CFTR: variants seen among roughly 807,000 people sequenced by gnomAD.
The protein encoded by CFTR is CF transmembrane conductance regulator.
Under a neutral mutation model 171.6 loss-of-function variants are expected in CFTR, and 181 were observed. The observed-to-expected ratio is 1.05, with a 90% CI of 0.93 to 1.19. The LOEUF is 1.19. CFTR is among the 50% of genes most tolerant of loss of function. The pLI is 0.00. For synonymous variants in CFTR, 583 were observed against 608.0 expected, an observed-to-expected ratio of 0.96 and a Z score of 0.60; for missense variants, 1,968 against 1,734.7, an observed-to-expected ratio of 1.13 and a Z score of -2.39.
At position 117,559,485 on chromosome 7, in the gene CFTR, A is replaced by AT. The variant is rs1554384343; in HGVS notation, c.1415dup (p.Met472IlefsTer10). 6.2e-7 allele frequency: 1 copy of AT among 1,607,524 alleles called. No individual in the cohort carries two copies. Among genetic ancestry groups the AT allele is most frequent in the Non-Finnish European group, 8.5e-7 (1 of 1,174,328 alleles). ...CCAGACTTCACTTCTAATGGTGATTATGGGAGAACTGGAGCCTTCAGAGGG... is the reference window on the plus strand; with the variant it reads ...CCAGACTTCACTTCTAATGGTGATTATTGGGAGAACTGGAGCCTTCAGAGGG... On this transcript the variant is annotated frameshift_variant, in exon 11 of 27. Coordinates refer to ENST00000003084, the MANE Select transcript of CFTR (RefSeq NM_000492.4). LOFTEE classifies it high-confidence loss of function.
Position 117,603,769 on chromosome 7 carries a change from CA to C in CFTR, c.2896del (p.Thr966ArgfsTer2), listed in dbSNP as rs397508451. 1 of 1,613,876 alleles carries C rather than the reference CA, an allele frequency of 6.2e-7. No individual in the cohort carries two copies. The highest frequency in any genetic ancestry group is 8.5e-7 in the Non-Finnish European group (1 of 1,179,896). ...VLQAPMSTLN[T>X]LKAGGILNRF... ...TTCAAGCACCTATGTCAACCCTCAA[CA>C]CGTTGAAAGCAGGTACTTTACTAGG... On this transcript the variant is annotated frameshift_variant, in exon 17 of 27. Coordinates refer to ENST00000003084, the MANE Select transcript of CFTR (RefSeq NM_000492.4). LOFTEE classifies it high-confidence loss of function.
In CFTR at chr7:117,643,286, T is replaced by G. The variant is rs138007783; in HGVS notation, c.3873+693T>G. ...TTACTGTATTTTTGCTGGTATTTTC[T>G]CTAGTCTTTCCGGGTATATTCACAT... On this transcript the variant is annotated intron_variant, in intron 23 of 26. Coordinates refer to ENST00000003084, the MANE Select transcript of CFTR (RefSeq NM_000492.4). Among the ~76,000 whole-genome samples, 16 of 152,276 alleles carry G rather than the reference T, an allele frequency of 1.1e-4. No individual in the cohort carries two copies. In the East Asian group the frequency reaches 3.1e-3, roughly 29 times the overall value.
intron 21 of CFTR, among the ~76,000 whole-genome samples, chr7:117,622,807 C>A (rs975240669): frequency 1.3e-5 from 2 of 152,086 alleles, no homozygotes; most frequent in Non-Finnish European, 2.9e-5. Flanking sequence ...CCTCCTCTTC[C>A]CTCCTTGTCA....
rs377502207 is a variant in CFTR at position 117,603,781 on chromosome 7, A to C, written c.2907A>C (p.Ala969=). ...APMSTLNTLK[A]GGILNRFSKD... ...TGTCAACCCTCAACACGTTGAAAGC[A>C]GGTACTTTACTAGGTCTAAGAAATG... The change falls in exon 17 of 27, where the codon GCA becomes GCC. Residue 969 remains alanine, a splice_region_variant and synonymous_variant. Transcript: ENST00000003084. 2 of 1,613,720 alleles carry C rather than the reference A, an allele frequency of 1.2e-6. No homozygotes were observed. Among genetic ancestry groups the C allele is most frequent in the East Asian group, 4.5e-5 (2 of 44,872 alleles).
intron 11 of CFTR, among the ~76,000 whole-genome samples, chr7:117,576,386 G>A (rs1791770109): frequency 6.6e-6 from 1 of 152,102 alleles, no homozygotes; most frequent in South Asian, 2.1e-4. Context: ...ATTGTATTAG[G>A]TATTGTAAGT....
chr7:117,485,403 A>G (rs1584766545), intron 1 of CFTR, among the ~76,000 whole-genome samples: 2 of 152,334 alleles, frequency 1.3e-5, no homozygotes, highest in African/African-American at 4.8e-5. Flanking sequence ...TATGATAAAG[A>G]TCAAGTTGTT....
intron 25 of CFTR, among the ~76,000 whole-genome samples, chr7:117,665,173 A>G (rs1793352944): frequency 6.6e-6 from 1 of 152,244 alleles, no homozygotes; most frequent in African/African-American, 2.4e-5. Flanking sequence ...TACCATAAGC[A>G]TGTTTATAGC....
intron 1 of CFTR, among the ~76,000 whole-genome samples, chr7:117,493,368 G>T (rs1407671703): frequency 6.6e-6 from 1 of 151,986 alleles, no homozygotes; most frequent in Non-Finnish European, 1.5e-5. Context: ...TGAAAAAAAA[G>T]ATGTAAATAT....
chr7:117,575,741 T>C (rs1011889787), intron 11 of CFTR, among the ~76,000 whole-genome samples: 39 of 152,138 alleles, frequency 2.6e-4, no homozygotes, highest in Non-Finnish European at 3.8e-4. Context: ...CATTGAGGTC[T>C]CATAGCCTTC....
At chr7:117,595,505 TTAAATA>T (rs1792106314) in intron 15 of CFTR, among the ~76,000 whole-genome samples, 1 of 150,942 alleles carries the variant, frequency 6.6e-6, no homozygotes, top group African/African-American at 2.4e-5. Context: ...TAAAATATAT[TTAAATA>T]TAAAGATAAG....
At chr7:117,486,470 A>G (rs1417342872) in intron 1 of CFTR, among the ~76,000 whole-genome samples, 2 of 152,164 alleles carry the variant, frequency 1.3e-5, no homozygotes, top group African/African-American at 4.8e-5. Flanking sequence ...AGGCTGGTCA[A>G]GGAAGGCTTG....
rs1159305976 is a variant in CFTR at position 117,542,556 on chromosome 7, A to AAAAAAT, written c.1209+466_1209+471dup. On this transcript the variant is annotated intron_variant, in intron 9 of 26. Coordinates refer to ENST00000003084, the MANE Select transcript of CFTR (RefSeq NM_000492.4). ...GGCGAGACTCTGTCTGAAAAAGAAA[A>AAAAAAT]AAAAATAAAAATAAAAATAAAAAGA... is the stretch of plus-strand genomic sequence containing the variant. Among the ~76,000 whole-genome samples, 78 of 152,318 alleles carry AAAAAAT rather than the reference A, an allele frequency of 5.1e-4. 1 individual carries two copies. The highest frequency in any genetic ancestry group is 3.4e-3 in the Middle Eastern group (1 of 294).
At chr7:117,661,101 A>G (rs1177682077) in intron 24 of CFTR, among the ~76,000 whole-genome samples, 5 of 152,218 alleles carry the variant, frequency 3.3e-5, no homozygotes, top group Non-Finnish European at 7.3e-5. Flanking sequence ...CTTGCTTTCC[A>G]TTATCTCACC....
chr7:117,568,071 A>G (rs978638048), intron 11 of CFTR, among the ~76,000 whole-genome samples: 4 of 152,174 alleles, frequency 2.6e-5, no homozygotes, highest in Non-Finnish European at 5.9e-5. Flanking sequence ...GCATTGGGGA[A>G]CTATAGTCAC....
rs377514639 is a variant in CFTR, at chr7:117,536,577, G to T, written c.773G>T (p.Arg258Ile). Residue 258 changes from arginine (R) to isoleucine (I), a missense_variant, in exon 7 of 27, where the codon AGA (arginine) becomes ATA (isoleucine). Physicochemically the swap from Arg to Ile is moderately conservative, Grantham distance 97 (BLOSUM62 -3). Transcript: ENST00000003084. ...RDQRAGKISE[R>I]LVITSEMIEN... ...CAGAGAGCTGGGAAGATCAGTGAAAGACTTGTGATTACCTCAGAAATGATT... is the reference window on the plus strand; with the variant it reads ...CAGAGAGCTGGGAAGATCAGTGAAATACTTGTGATTACCTCAGAAATGATT... The T allele has an allele frequency of 1.8e-5, 29 of 1,602,570 alleles. No individual in the cohort carries two copies. Among genetic ancestry groups the T allele is most frequent in the Non-Finnish European group, 2.4e-5 (28 of 1,173,702 alleles).
At chr7:117,492,044 T>A (rs2283055) in intron 1 of CFTR, among the ~76,000 whole-genome samples, 35,011 of 151,816 alleles carry the variant, frequency 0.23, 4,338 homozygotes, top group East Asian at 0.42. Context: ...TCCAAGAAGG[T>A]CATAAGAAAA....
rs121909026 is a variant in CFTR, at chr7:117,652,905, C to T, written c.3937C>T (p.Gln1313Ter). 1.2e-6 allele frequency: 2 copies of T among 1,605,496 alleles called. No homozygotes were observed. Among genetic ancestry groups the T allele is most frequent in the Non-Finnish European group, 1.7e-6 (2 of 1,173,330 alleles). Residue 1313 changes from glutamine (Q) to a stop codon, truncating the protein, a stop_gained, in exon 24 of 27, where the codon CAA becomes TAA. Transcript: ENST00000003084. LOFTEE classifies it high-confidence loss of function. ...GGATCCCTATGAACAGTGGAGTGAT[C>T]AAGAAATATGGAAAGTTGCAGATGA... The part of the protein sequence containing the change: ...NLDPYEQWSD[Q>*]EIWKVADEVG...
intron 11 of CFTR, among the ~76,000 whole-genome samples, chr7:117,577,704 A>T (rs1791792616): frequency 6.6e-6 from 1 of 152,132 alleles, no homozygotes; most frequent in African/African-American, 2.4e-5. Context: ...AATACAATTG[A>T]CCCTTGGACA....
chr7:117,655,834 C>T (rs1247047438), intron 24 of CFTR, among the ~76,000 whole-genome samples: 1 of 152,070 alleles, frequency 6.6e-6, no homozygotes, highest in Non-Finnish European at 1.5e-5. Context: ...CTGGTGAAGG[C>T]CTTCTTCCTC....
Sources: allele counts gnomAD v4.1 joint callset (sites outside exome capture counted in the v4.1 genomes callset), GRCh38; gene constraint gnomAD v4.1.1; transcripts MANE v1.5; gene names NCBI Gene and HGNC (gene_info 2026-07-23, HGNC 2026-07-21).